The following STT3A variants were observed in gnomAD, a reference collection of about 807,000 sequenced individuals.
STT3A encodes STT3 oligosaccharyltransferase complex catalytic subunit A, also known as dolichyl-diphosphooligosaccharide--protein glycosyltransferase subunit STT3A.
STT3A carries 34 observed loss-of-function variants against 89.2 expected under a neutral mutation model. The observed-to-expected ratio is 0.38, with a 90% CI of 0.29 to 0.51. The LOEUF is 0.51. Ranked by LOEUF, STT3A falls within the 20% of genes least tolerant of loss-of-function variation. STT3A has a pLI of 0.89. For missense variants in STT3A, 555 were observed against 889.5 expected (o/e 0.62, Z 4.78); for synonymous variants, 282 against 310.3 (o/e 0.91, Z 0.96).
At chr11:125,594,830 T>C (rs1219489828) in intron 1 of STT3A, 1 of 152,164 alleles carries the variant, frequency 6.6e-6, no homozygotes, top group Non-Finnish European at 1.5e-5. Context: ...AAACTGTCTG[T>C]GTAATTTAAT....
chr11:125,604,288 T>G, intron 6 of STT3A, 41 bp downstream of exon 6: 3 of 1,597,064 alleles, frequency 1.9e-6, no homozygotes. Flanking sequence ...TCTCACCTCA[T>G]TATCCAACAG....
At position 125,614,537 on chromosome 11, in the gene STT3A, C is replaced by G; in HGVS notation, c.1774+111C>G. On this transcript the variant is annotated intron_variant, in intron 15 of 17. Coordinates refer to ENST00000392708, the MANE Select transcript of STT3A (RefSeq NM_152713.5). This position sits in a 1 kb window ranked among gnomAD's most constrained non-coding sequence, Gnocchi z 4.9. Reference sequence around the variant, plus strand: ...ATATTTTACTAAGATATTTTTCTTTCATGGGAAGTTCCTAAGTATTTGCAA... The same window carrying G: ...ATATTTTACTAAGATATTTTTCTTTGATGGGAAGTTCCTAAGTATTTGCAA... 1 of 1,109,328 alleles carries G rather than the reference C, an allele frequency of 9.0e-7. No homozygotes were observed. Among genetic ancestry groups the G allele is most frequent in the Non-Finnish European group, 1.3e-6 (1 of 780,356 alleles). 68.7% of individuals were successfully genotyped at this position (1,109,328 alleles called of 1,614,324 possible).
chr11:125,594,887 G>C (rs994671166), intron 1 of STT3A: 2 of 152,328 alleles, frequency 1.3e-5, no homozygotes, highest in Middle Eastern at 3.4e-3. Context: ...CCTTGAGACA[G>C]ATGATTGGAA....
intron 15 of STT3A, 73 bp from the exon 16 acceptor site, chr11:125,618,300 C>T (rs1331871203): frequency 1.4e-6 from 2 of 1,394,378 alleles, no homozygotes; most frequent in African/African-American, 1.5e-5. Context: ...GAGGAATTTT[C>T]TTAGAAATAC....
chr11:125,596,833 T>C (rs562985673), intron 2 of STT3A, among the ~76,000 whole-genome samples: 1 of 152,330 alleles, frequency 6.6e-6, no homozygotes, highest in South Asian at 2.1e-4. Flanking sequence ...TTATAATTAG[T>C]TAACTGTGAC....
chr11:125,596,038 A>T (rs769720122), intron 2 of STT3A, 35 bp downstream of exon 2: 8 of 1,503,422 alleles, frequency 5.3e-6, no homozygotes, highest in Admixed American at 3.9e-5. Flanking sequence ...TTCTTTGGGG[A>T]TAGAAAGAAG....
chr11:125,620,621 A>G, intron 17 of STT3A, 151 bp from the exon 18 acceptor site: 1 of 656,636 alleles, frequency 1.5e-6, no homozygotes, highest in Non-Finnish European at 2.7e-6. Context: ...GAGAGAATCT[A>G]GTCTCTAGTC....
intron 7 of STT3A, 108 bp from the exon 8 acceptor site, chr11:125,606,192 TA>T (rs1939830682): frequency 9.5e-7 from 1 of 1,052,908 alleles, no homozygotes; most frequent in East Asian, 2.4e-5. Flanking sequence ...AATAAAGTTA[TA>T]GTTACTATAA....
intron 7 of STT3A, 143 bp from the exon 8 acceptor site, chr11:125,606,158 G>A: frequency 2.7e-6 from 2 of 740,756 alleles, no homozygotes; most frequent in Non-Finnish European, 4.2e-6. Flanking sequence ...TCAGTTATTT[G>A]AACTCTTTAA....
intron 3 of STT3A, 132 bp from the exon 4 acceptor site, chr11:125,602,171 T>C: frequency 1.9e-6 from 2 of 1,060,678 alleles, no homozygotes; most frequent in African/African-American, 3.2e-5. Flanking sequence ...TATGGTAGTG[T>C]AAAATGATTT....
rs772279428 is a variant in STT3A at position 125,612,670 on chromosome 11, A to G, written c.1288A>G (p.Met430Val). ...IGVSQVLSTY[M>V]KNLDISRPDK... is the part of the protein sequence containing the mutation. ...AGTCTCCCAGGTGCTGTCCACATAC[A>G]TGAAGAATCTGGACATAAGTCGTCC... is the stretch of plus-strand genomic sequence containing the variant. Residue 430 changes from methionine (M) to valine (V), a missense_variant, in exon 12 of 18, where the codon ATG (methionine) becomes GTG (valine). Physicochemically the swap from Met to Val is conservative, Grantham distance 21 (BLOSUM62 1). Around this residue, in one of 5 missense-constraint regions of STT3A, gnomAD observed 273 missense variants for 449.8 expected, o/e 0.61. Transcript: ENST00000392708. The G allele has an allele frequency of 5.0e-5, 80 of 1,614,080 alleles. 1 individual carries two copies. Among genetic ancestry groups the G allele is most frequent in the Non-Finnish European group, 6.4e-5 (76 of 1,180,046 alleles).
rs368573498 is a variant in STT3A at position 125,609,602 on chromosome 11, G to A, written c.1117+13G>A. 1.0e-4 allele frequency: 160 copies of A among 1,600,804 alleles called. No homozygotes were observed. The African/African-American group carries it at 1.6e-3, about 16-fold the overall frequency. On this transcript the variant is annotated intron_variant, in intron 10 of 17. Transcript: ENST00000392708. Reference sequence around the variant, plus strand: ...TTCATGTTTCCAGGTATGTGGCCTCGTGTTCTGAAATGGCCTTGTTCATAA... The same window carrying A: ...TTCATGTTTCCAGGTATGTGGCCTCATGTTCTGAAATGGCCTTGTTCATAA...
intron 3 of STT3A, among the ~76,000 whole-genome samples, chr11:125,601,611 G>A (rs1000343802): frequency 8.6e-5 from 13 of 151,598 alleles, no homozygotes; most frequent in African/African-American, 3.1e-4. Flanking sequence ...CAACAAGAGC[G>A]AAACTCTGTC....
At chr11:125,620,658 C>A in intron 17 of STT3A, 114 bp from the exon 18 acceptor site, 6 of 937,554 alleles carry the variant, frequency 6.4e-6, no homozygotes, top group Non-Finnish European at 1.0e-5. Context: ...CAGCCCTAAA[C>A]CAGGCTGCAG....
intron 16 of STT3A, among the ~76,000 whole-genome samples, chr11:125,619,317 C>T (rs544152576): frequency 6.6e-6 from 1 of 152,022 alleles, no homozygotes; most frequent in Non-Finnish European, 1.5e-5. Context: ...ACCTCGGCCT[C>T]CCAAAGTGCT....
intron 3 of STT3A, among the ~76,000 whole-genome samples, chr11:125,601,438 T>C (rs1939673803): frequency 6.6e-6 from 1 of 152,096 alleles, no homozygotes; most frequent in Admixed American, 6.6e-5. Flanking sequence ...CTGGCCAATA[T>C]GGTGAAACCC....
At chr11:125,598,647 C>G (rs1344231991) in intron 3 of STT3A, among the ~76,000 whole-genome samples, 2 of 152,080 alleles carry the variant, frequency 1.3e-5, no homozygotes, top group African/African-American at 4.8e-5. Context: ...GACTGTCACC[C>G]AAGCTGAAGT....
chr11:125,599,420 C>CT (rs886518141), intron 3 of STT3A, among the ~76,000 whole-genome samples: 20 of 151,754 alleles, frequency 1.3e-4, no homozygotes, highest in Admixed American at 2.0e-4. Flanking sequence ...GTCTGTCTTC[C>CT]TTTTTTTTGG....
chr11:125,592,530 C>T (rs1291529932), upstream of STT3A: 10 of 453,170 alleles, frequency 2.2e-5, no homozygotes, highest in South Asian at 1.6e-4. Context: ...GTCAGTGGGC[C>T]GCGCCTTCCC....
Sources: gnomAD v4.1 joint callset for allele counts (sites outside exome capture counted in the v4.1 genomes callset) on GRCh38, gnomAD v4.1.1 for gene constraint, gnomAD v4.1.1 regional missense constraint, Gnocchi (gnomAD v3.1) non-coding constraint, MANE v1.5 for transcripts, NCBI Gene and HGNC (gene_info 2026-07-23, HGNC 2026-07-21) for gene names.